SNX10: variants seen among roughly 807,000 people sequenced by gnomAD.
SNX10 encodes the protein sorting nexin-10.
SNX10 carries 25 observed loss-of-function variants against 28.5 expected under a neutral mutation model. The ratio of observed to expected loss-of-function variants is 0.88; its 90% CI spans 0.64 to 1.22. The LOEUF is 1.22. SNX10 is among the 50% of genes most tolerant of loss of function. SNX10 has a pLI of 0.00. For synonymous variants in SNX10, 62 were observed against 81.4 expected, an observed-to-expected ratio of 0.76 and a Z score of 1.28; for missense variants, 223 against 242.6, an observed-to-expected ratio of 0.92 and a Z score of 0.54.
Position 26,346,472 on chromosome 7 carries a change from T to G in SNX10, c.24+6T>G, listed in dbSNP as rs1442369435. 5.0e-6 allele frequency: 8 copies of G among 1,596,106 alleles called. No individual in the cohort carries two copies. The highest frequency in any genetic ancestry group is 6.9e-6 in the Non-Finnish European group (8 of 1,163,682). ...TTCCGGAACAACAGAAAGAGGTATG[T>G]CATCACAAATCCAAAAATAAATAAC... On this transcript the variant is annotated splice_donor_region_variant and intron_variant, in intron 2 of 6. Coordinates refer to ENST00000338523, the MANE Select transcript of SNX10 (RefSeq NM_013322.3).
rs573406920 is a variant in SNX10, at chr7:26,327,024, C to T, written c.-23-19396C>T. Among the ~76,000 whole-genome samples, 50 of 150,058 alleles carry T rather than the reference C, an allele frequency of 3.3e-4. 1 individual carries two copies. In the East Asian group the frequency reaches 7.9e-3, roughly 24 times the overall value. On this transcript the variant is annotated intron_variant, in intron 1 of 6. Transcript: ENST00000338523. ...GGAGTGCAAAGGTGTGATCGCAGCT[C>T]ACTGCAACCTCTGCCTCCTGGGTTC... is the stretch of plus-strand genomic sequence containing the variant.
In SNX10 at chr7:26,324,836, AATTAT is replaced by A. The variant is rs148390427; in HGVS notation, c.-23-21578_-23-21574del. Among the ~76,000 whole-genome samples the A allele has an allele frequency of 5.1e-3, 779 of 152,338 alleles. 7 individuals are homozygous for A. Among genetic ancestry groups the A allele is most frequent in the African/African-American group, 0.018 (746 of 41,578 alleles). On this transcript the variant is annotated intron_variant, in intron 1 of 6. Coordinates refer to ENST00000338523, the MANE Select transcript of SNX10 (RefSeq NM_013322.3). ...ACTTCTCTGTTTTTCAAATTTCCTG[AATTAT>A]ATTATTTAAACATTAATTTAAATTT... is the stretch of plus-strand genomic sequence containing the variant.
In SNX10 at chr7:26,365,059, A is replaced by G. The variant is rs1445770165; in HGVS notation, c.225A>G (p.Glu75=). 6.2e-7 allele frequency: 1 copy of G among 1,605,662 alleles called. No individual in the cohort carries two copies. Among genetic ancestry groups the G allele is most frequent in the East Asian group, 2.2e-5 (1 of 44,848 alleles). ...QSNALLVQLP[E]LPSKNLFFNM... is the part of the protein sequence containing the mutation. ...TCTTTCTCCTAAGACAACTGCCAGAACTTCCATCTAAAAACCTGTTTTTCA... is the reference window on the plus strand; with the variant it reads ...TCTTTCTCCTAAGACAACTGCCAGAGCTTCCATCTAAAAACCTGTTTTTCA... Residue 75 remains glutamate, a synonymous_variant, in exon 5 of 7, where the codon GAA becomes GAG. Coordinates refer to ENST00000338523, the MANE Select transcript of SNX10 (RefSeq NM_013322.3).
chr7:26,292,457 T>A (rs1456974448), intron 1 of SNX10, among the ~76,000 whole-genome samples: 1 of 152,070 alleles, frequency 6.6e-6, no homozygotes, highest in African/African-American at 2.4e-5. Flanking sequence ...GTTTTTAAAA[T>A]TTATTTATTT....
At chr7:26,312,536 A>T (rs1786888539) in intron 1 of SNX10, among the ~76,000 whole-genome samples, 1 of 152,220 alleles carries the variant, frequency 6.6e-6, no homozygotes, top group Non-Finnish European at 1.5e-5. Context: ...CTGTAATCCC[A>T]GCACTTTGGG....
intron 1 of SNX10, among the ~76,000 whole-genome samples, chr7:26,337,588 C>A (rs1039731297): frequency 6.6e-6 from 1 of 152,212 alleles, no homozygotes; most frequent in African/African-American, 2.4e-5. Context: ...TGGATTATTT[C>A]ATTTAGCATA....
rs79148369 is a variant in SNX10 at position 26,299,039 on chromosome 7, A to G, written c.-24+6953A>G. Among the ~76,000 whole-genome samples, 109 of 152,326 alleles carry G rather than the reference A, an allele frequency of 7.2e-4. 1 individual carries two copies. In the East Asian group the frequency reaches 0.014, roughly 20 times the overall value. ...CAGGACACAATTCAACCTATACTGT[A>G]TATTAAGTAATGAAAGCAAAGTGGA... On this transcript the variant is annotated intron_variant, in intron 1 of 6. Coordinates refer to ENST00000338523, the MANE Select transcript of SNX10 (RefSeq NM_013322.3).
intron 2 of SNX10, among the ~76,000 whole-genome samples, chr7:26,354,962 G>T (rs1239022439): frequency 6.6e-6 from 1 of 150,932 alleles, no homozygotes; most frequent in South Asian, 2.1e-4. Flanking sequence ...TTTCTCTGAT[G>T]TTTTGTGTTT....
intron 1 of SNX10, among the ~76,000 whole-genome samples, chr7:26,339,441 C>T (rs1219793830): frequency 6.6e-6 from 1 of 151,456 alleles, no homozygotes; most frequent in Non-Finnish European, 1.5e-5. Flanking sequence ...GGTTCAAGTG[C>T]AATTTTCTTA....
intron 1 of SNX10, among the ~76,000 whole-genome samples, chr7:26,338,945 A>T (rs115642125): frequency 7.2e-5 from 11 of 152,206 alleles, no homozygotes; most frequent in Admixed American, 1.3e-4. Context: ...AGGTTTTGCA[A>T]TAACGATGTT....
At chr7:26,352,917 G>T (rs1278321727) in intron 2 of SNX10, among the ~76,000 whole-genome samples, 2 of 151,988 alleles carry the variant, frequency 1.3e-5, no homozygotes, top group African/African-American at 4.8e-5. Flanking sequence ...GCCTTATGGA[G>T]GTTTTCACAT....
chr7:26,317,711 G>A (rs1787145793), intron 1 of SNX10, among the ~76,000 whole-genome samples: 1 of 144,806 alleles, frequency 6.9e-6, no homozygotes, highest in African/African-American at 2.6e-5. Flanking sequence ...TGCCCAGGCT[G>A]GAGTGCAGTG....
Position 26,346,435 on chromosome 7 carries a change from T to G in SNX10, c.-8T>G. 6.2e-7 allele frequency: 1 copy of G among 1,607,946 alleles called. No individual in the cohort carries two copies. Among genetic ancestry groups the G allele is most frequent in the Non-Finnish European group, 8.5e-7 (1 of 1,174,356 alleles). On this transcript the variant is annotated 5_prime_UTR_variant, in exon 2 of 7. Transcript: ENST00000338523. ...TATTTTTCAGATTGATCGTGTCCTG[T>G]GCTGAAGATGTTTCCGGAACAACAG... is the stretch of plus-strand genomic sequence containing the variant.
chr7:26,329,545 A>G (rs978128373), intron 1 of SNX10, among the ~76,000 whole-genome samples: 1 of 152,148 alleles, frequency 6.6e-6, no homozygotes, highest in African/African-American at 2.4e-5. Flanking sequence ...TCTCACTATT[A>G]TGTAAGTGAT....
intron 1 of SNX10, among the ~76,000 whole-genome samples, chr7:26,305,648 C>A (rs965218173): frequency 6.6e-6 from 1 of 152,170 alleles, no homozygotes; most frequent in Non-Finnish European, 1.5e-5. Flanking sequence ...AGGAAACTTC[C>A]TATGTTGGGA....
At chr7:26,325,644 C>T (rs1000840019) in intron 1 of SNX10, among the ~76,000 whole-genome samples, 7 of 151,576 alleles carry the variant, frequency 4.6e-5, no homozygotes, top group East Asian at 1.9e-4. Context: ...ATTTGTTTGA[C>T]GGATTTGTGT....
chr7:26,332,671 T>C (rs1787789939), intron 1 of SNX10, among the ~76,000 whole-genome samples: 1 of 152,208 alleles, frequency 6.6e-6, no homozygotes, highest in Non-Finnish European at 1.5e-5. Flanking sequence ...GACTAACTGC[T>C]GTGTTTTCGT....
chr7:26,363,211 C>T (rs1260104739), intron 3 of SNX10, among the ~76,000 whole-genome samples: 2 of 152,130 alleles, frequency 1.3e-5, no homozygotes, highest in Non-Finnish European at 2.9e-5. Context: ...GCTGCCATAT[C>T]GTTAAAGATA....
At chr7:26,361,699 G>A (rs919863788) in intron 3 of SNX10, among the ~76,000 whole-genome samples, 1 of 152,230 alleles carries the variant, frequency 6.6e-6, no homozygotes, top group Non-Finnish European at 1.5e-5. Context: ...CAGTTTGTGG[G>A]CCATACAGTT....
Sources: gnomAD v4.1 joint callset for allele counts (sites outside exome capture counted in the v4.1 genomes callset) on GRCh38, gnomAD v4.1.1 for gene constraint, MANE v1.5 for transcripts, NCBI Gene and HGNC (gene_info 2026-07-23, HGNC 2026-07-21) for gene names.